HOXD3: variants seen among roughly 807,000 people sequenced by gnomAD.
The protein encoded by HOXD3 is homeobox protein Hox-D3.
HOXD3 carries 13 observed loss-of-function variants against 32.8 expected under a neutral mutation model. The observed-to-expected ratio is 0.40, with a 90% CI of 0.26 to 0.63. The LOEUF (loss-of-function observed/expected upper bound fraction) is 0.63. Among genes scored for constraint, HOXD3 ranks in the 20% least tolerant of loss-of-function variants. The pLI is 0.44. For missense variants in HOXD3, 504 were observed against 577.1 expected, an observed-to-expected ratio of 0.87 and a Z score of 1.30; for synonymous variants, 241 against 246.8, an observed-to-expected ratio of 0.98 and a Z score of 0.22.
At chr2:176,157,764 C>CGAGGGGT (rs1271310612) in intron 1 of HOXD3, among the ~76,000 whole-genome samples, 1 of 151,930 alleles carries the variant, frequency 6.6e-6, no homozygotes, top group Non-Finnish European at 1.5e-5. Flanking sequence ...TGCCAGGGGG[C>CGAGGGGT]GAGGGGTGAG....
At chr2:176,165,824 TAAAAA>T (rs1476590756) in intron 2 of HOXD3, 1 of 151,834 alleles carries the variant, frequency 6.6e-6, no homozygotes. Context: ...AGAAAGGCTT[TAAAAA>T]AAGGGTGAGG....
chr2:176,169,247 A>AC lies in HOXD3; in HGVS notation c.139dup (p.His47ProfsTer16). 2 of 1,613,414 alleles carry AC rather than the reference A, an allele frequency of 1.2e-6. No individual in the cohort carries two copies. Among genetic ancestry groups the AC allele is most frequent in the Non-Finnish European group, 8.5e-7 (1 of 1,179,810 alleles). On this transcript the variant is annotated frameshift_variant, in exon 3 of 4. Transcript: ENST00000683222. LOFTEE classifies it high-confidence loss of function. The stretch of plus-strand genomic sequence containing the variant: ...AACTACGGACACTTACGGCTACAGC[A>AC]CCCCCCACCAGCCCTACCCACCCCC...
At position 176,172,007 on chromosome 2, in the gene HOXD3, C is replaced by T. The variant is rs1243067567; in HGVS notation, c.1032C>T (p.Gly344=). 2.5e-6 allele frequency: 4 copies of T among 1,606,046 alleles called. No individual in the cohort carries two copies. Among genetic ancestry groups the T allele is most frequent in the Non-Finnish European group, 3.4e-6 (4 of 1,178,426 alleles). Residue 344 remains glycine (G), a synonymous_variant, in exon 4 of 4, where the codon GGC becomes GGT. Coordinates refer to ENST00000683222, the MANE Select transcript of HOXD3 (RefSeq NM_006898.5). Reference sequence around the variant, plus strand: ...CCCATCCCATGGCGAGCAACGGCGGCGGCTTCGCCAGCGCCAACTTGCAGG... The same window carrying T: ...CCCATCCCATGGCGAGCAACGGCGGTGGCTTCGCCAGCGCCAACTTGCAGG... ...FEPHPMASNG[G]GFASANLQGS... is the part of the protein sequence containing the mutation.
At chr2:176,168,096 C>A (rs1385157676) in intron 2 of HOXD3, among the ~76,000 whole-genome samples, 1 of 152,094 alleles carries the variant, frequency 6.6e-6, no homozygotes, top group African/African-American at 2.4e-5. Flanking sequence ...AGGAAAAATT[C>A]CTTCTGATAC....
rs555504145 is a variant in HOXD3, at chr2:176,172,569, GTC to G, written c.*297_*298del. 319 of 415,042 alleles carry G rather than the reference GTC, an allele frequency of 7.7e-4. No individual in the cohort carries two copies. The highest frequency in any genetic ancestry group is 1.1e-3 in the Non-Finnish European group (251 of 233,258). 25.7% of individuals were successfully genotyped at this position (415,042 alleles called of 1,614,324 possible). A position where few individuals can be genotyped will look rare whatever the true frequency, so the allele number is the denominator to read the frequency against. On this transcript the variant is annotated 3_prime_UTR_variant, in exon 4 of 4. Coordinates refer to ENST00000683222, the MANE Select transcript of HOXD3 (RefSeq NM_006898.5). ...TCTGGTAATGGTGTCCCAAAGGTAA[GTC>G]TGAGACCCATCAGCGGCGCGCCCTG...
chr2:176,167,166 A>C (rs1223270219), intron 2 of HOXD3, among the ~76,000 whole-genome samples: 1 of 152,212 alleles, frequency 6.6e-6, no homozygotes, highest in Non-Finnish European at 1.5e-5. Flanking sequence ...AAAGAAGGGA[A>C]TACAAAAGGG....
upstream of HOXD3, among the ~76,000 whole-genome samples, chr2:176,156,008 A>G (rs528759573): frequency 6.6e-6 from 1 of 152,204 alleles, no homozygotes; most frequent in African/African-American, 2.4e-5. Context: ...TATTTATACT[A>G]ATTGTTGCTT....
chr2:176,167,161 A>C (rs1448333602), intron 2 of HOXD3, among the ~76,000 whole-genome samples: 1 of 152,234 alleles, frequency 6.6e-6, no homozygotes, highest in Non-Finnish European at 1.5e-5. Context: ...CCCATAAAGA[A>C]GGGAATACAA....
chr2:176,153,148 TTCTC>T, upstream of HOXD3: 1 of 584,202 alleles, frequency 1.7e-6, no homozygotes, highest in South Asian at 2.0e-5. Context: ...GGGGGCGGGA[TTCTC>T]TCTCTAAGTA....
At chr2:176,153,027 T>G, upstream of HOXD3, 1 of 1,281,630 alleles carries the variant, frequency 7.8e-7, no homozygotes, top group Non-Finnish European at 1.1e-6. Flanking sequence ...GTCACCTCGC[T>G]GGGCTCTAAG....
upstream of HOXD3, among the ~76,000 whole-genome samples, chr2:176,155,578 C>T (rs940271983): frequency 2.6e-5 from 4 of 152,162 alleles, no homozygotes; most frequent in African/African-American, 9.7e-5. Context: ...CCCAGTCGGA[C>T]CCCAGCATCC....
At chr2:176,155,395 G>A (rs567554466), upstream of HOXD3, among the ~76,000 whole-genome samples, 1 of 152,330 alleles carries the variant, frequency 6.6e-6, no homozygotes, top group East Asian at 1.9e-4. Flanking sequence ...ATGTTTTCAT[G>A]AGGAAAACCC....
At chr2:176,168,967 C>G (rs1446184923) in intron 2 of HOXD3, 64 bp from the exon 3 acceptor site, 11 of 1,282,094 alleles carry the variant, frequency 8.6e-6, no homozygotes, top group Non-Finnish European at 1.2e-5. Flanking sequence ...TGGGCTAGTC[C>G]TTCTATATTG....
At chr2:176,152,945 G>A (rs1201325545), upstream of HOXD3, 12 of 1,613,856 alleles carry the variant, frequency 7.4e-6, no homozygotes, top group Admixed American at 1.0e-4. The surrounding 1 kb of genome is among the most constrained non-coding windows in gnomAD (Gnocchi z 5.2). Context: ...CCTTATAGAA[G>A]TGGGGACCCT....
chr2:176,171,260 AG>A (rs1163344241), intron 3 of HOXD3, among the ~76,000 whole-genome samples: 2 of 151,942 alleles, frequency 1.3e-5, no homozygotes, highest in African/African-American at 4.8e-5. Flanking sequence ...TGCAGGGGAG[AG>A]GGTGGGCAGA....
chr2:176,152,586 T>C (rs1213865856), upstream of HOXD3: 2 of 1,605,286 alleles, frequency 1.2e-6, no homozygotes, highest in African/African-American at 2.7e-5. The surrounding 1 kb of genome is among the most constrained non-coding windows in gnomAD (Gnocchi z 5.2). Flanking sequence ...GACCTGCCTG[T>C]CCTGTCTGTT....
chr2:176,168,327 G>C (rs1691055639), intron 2 of HOXD3, among the ~76,000 whole-genome samples: 1 of 151,822 alleles, frequency 6.6e-6, no homozygotes, highest in African/African-American at 2.4e-5. Flanking sequence ...AGCACTTAGG[G>C]AGGCCCAGGC....
intron 2 of HOXD3, among the ~76,000 whole-genome samples, chr2:176,167,208 C>A (rs750749391): frequency 6.6e-6 from 1 of 152,080 alleles, no homozygotes; most frequent in Non-Finnish European, 1.5e-5. Flanking sequence ...TTTTCTTCTT[C>A]TAATTCTGGG....
Position 176,172,038 on chromosome 2 carries a change from C to A in HOXD3, c.1063C>A (p.Pro355Thr), listed in dbSNP as rs1401314075. 3 of 1,608,364 alleles carry A rather than the reference C, an allele frequency of 1.9e-6. No homozygotes were observed. The highest frequency in any genetic ancestry group is 2.5e-6 in the Non-Finnish European group (3 of 1,178,950). ...GFASANLQGS[P>T]VYVGGNFVES... ...CGCCAGCGCCAACTTGCAGGGCAGCCCGGTGTACGTGGGCGGCAACTTCGT... is the reference window on the plus strand; with the variant it reads ...CGCCAGCGCCAACTTGCAGGGCAGCACGGTGTACGTGGGCGGCAACTTCGT... Residue 355 changes from proline (P) to threonine (T), a missense_variant, in exon 4 of 4, where the codon CCG becomes ACG. By Grantham distance (38) the Pro-to-Thr change is conservative. This residue lies in a region of HOXD3 where 226 missense variants were observed against 246.9 expected (regional missense o/e 0.92). Transcript: ENST00000683222.
Sources: gnomAD v4.1 joint callset for allele counts (sites outside exome capture counted in the v4.1 genomes callset) on GRCh38, gnomAD v4.1.1 for gene constraint, gnomAD v4.1.1 regional missense constraint, Gnocchi (gnomAD v3.1) non-coding constraint, MANE v1.5 for transcripts, NCBI Gene and HGNC (gene_info 2026-07-23, HGNC 2026-07-21) for gene names.